The following FRMD4A variants were observed in gnomAD, a reference collection of about 807,000 sequenced individuals.
FRMD4A encodes FERM domain-containing protein 4A.
Under a neutral mutation model 129.1 loss-of-function variants are expected in FRMD4A, and 29 were observed. The observed-to-expected ratio is 0.22, with a 90% CI of 0.17 to 0.31. The LOEUF (loss-of-function observed/expected upper bound fraction) is 0.31, where lower values mean the gene tolerates loss of function less well. FRMD4A is among the 10% of genes least tolerant of loss of function. The pLI, the probability that FRMD4A is intolerant of heterozygous loss-of-function variation, is 1.00. For missense variants in FRMD4A, 1,272 were observed against 1,375.8 expected, an observed-to-expected ratio of 0.92 and a Z score of 1.19; for synonymous variants, 634 against 571.6, an observed-to-expected ratio of 1.11 and a Z score of -1.56.
chr10:14,239,706 A>C (rs1843971701), intron 2 of FRMD4A, among the ~76,000 whole-genome samples: 1 of 152,238 alleles, frequency 6.6e-6, no homozygotes, highest in Non-Finnish European at 1.5e-5. Context: ...CTGATCTAAA[A>C]TGTAACTACT....
At chr10:14,118,683 C>G (rs913974412) in intron 2 of FRMD4A, among the ~76,000 whole-genome samples, 2 of 152,150 alleles carry the variant, frequency 1.3e-5, no homozygotes, top group Non-Finnish European at 2.9e-5. Flanking sequence ...CAGTGGCCGG[C>G]AAGAGAGCTT....
intron 2 of FRMD4A, among the ~76,000 whole-genome samples, chr10:14,268,574 T>A (rs757499238): frequency 1.2e-4 from 18 of 152,248 alleles, no homozygotes; most frequent in Non-Finnish European, 1.5e-5. Context: ...GTTCTTCACA[T>A]GCTACCTACC....
At chr10:14,052,053 G>C (rs1452140085) in intron 2 of FRMD4A, among the ~76,000 whole-genome samples, 2 of 152,208 alleles carry the variant, frequency 1.3e-5, no homozygotes, top group African/African-American at 4.8e-5. Flanking sequence ...CTCAGAGACA[G>C]ACACAGAGAG....
chr10:13,959,142 C>T lies in FRMD4A; in HGVS notation c.46-100230G>A, dbSNP rs1042044456. On this transcript the variant is annotated intron_variant, in intron 2 of 24. Transcript: ENST00000357447. ...TCTCAGTAAAAGTCCCCTCTCCCTG[C>T]AACAATGATCATCAGAGAATGTCTA... Among the ~76,000 whole-genome samples, 32 of 152,116 alleles carry T rather than the reference C, an allele frequency of 2.1e-4. 1 individual carries two copies. The highest frequency in any genetic ancestry group is 1.8e-3 in the Admixed American group (28 of 15,272).
chr10:13,994,979 G>A (rs72776605), intron 2 of FRMD4A, among the ~76,000 whole-genome samples: 43,400 of 151,996 alleles, frequency 0.29, 7,336 homozygotes, highest in East Asian at 0.73. Context: ...GAACAGGAGC[G>A]CAGCCACAGG....
intron 2 of FRMD4A, among the ~76,000 whole-genome samples, chr10:14,219,937 A>G (rs1646940697): frequency 6.6e-6 from 1 of 152,186 alleles, no homozygotes; most frequent in African/African-American, 2.4e-5. Context: ...CTAATTCAAG[A>G]TAAGAGAGAA....
chr10:14,213,549 C>G (rs767901181), intron 2 of FRMD4A, among the ~76,000 whole-genome samples: 1 of 152,178 alleles, frequency 6.6e-6, no homozygotes, highest in Non-Finnish European at 1.5e-5. Flanking sequence ...CCTGATGGGA[C>G]TAGATCATCC....
chr10:14,264,312 C>T (rs1266540793), intron 2 of FRMD4A, among the ~76,000 whole-genome samples: 1 of 152,184 alleles, frequency 6.6e-6, no homozygotes, highest in Non-Finnish European at 1.5e-5. Context: ...CCCATTGATA[C>T]AAGCAGCCCA....
intron 2 of FRMD4A, among the ~76,000 whole-genome samples, chr10:14,128,954 G>T (rs1839079880): frequency 6.6e-6 from 1 of 152,098 alleles, no homozygotes; most frequent in South Asian, 2.1e-4. Flanking sequence ...AGGCACGCTG[G>T]TCCTGGAGAC....
chr10:14,136,645 C>T (rs1196474533), intron 2 of FRMD4A, among the ~76,000 whole-genome samples: 1 of 152,140 alleles, frequency 6.6e-6, no homozygotes, highest in Non-Finnish European at 1.5e-5. Context: ...CTACCTATGA[C>T]CTGGAACCTA....
chr10:13,991,764 C>T (rs79469912), intron 2 of FRMD4A: 1 of 152,656 alleles, frequency 6.6e-6, no homozygotes, highest in Non-Finnish European at 1.5e-5. Context: ...CAGAAAGTAA[C>T]ACACACAGAA....
chr10:13,855,789 A>G (rs2094204029), intron 3 of FRMD4A, among the ~76,000 whole-genome samples: 1 of 152,210 alleles, frequency 6.6e-6, no homozygotes, highest in African/African-American at 2.4e-5. Flanking sequence ...GAGCTAGAGA[A>G]TCCAGATTCC....
At chr10:14,140,849 A>C (rs1336302554) in intron 2 of FRMD4A, among the ~76,000 whole-genome samples, 1 of 152,158 alleles carries the variant, frequency 6.6e-6, no homozygotes, top group East Asian at 1.9e-4. Flanking sequence ...ACTTTTCAGG[A>C]AACTAGGGAG....
intron 2 of FRMD4A, among the ~76,000 whole-genome samples, chr10:14,119,477 T>G (rs1838380685): frequency 6.6e-6 from 1 of 152,206 alleles, no homozygotes; most frequent in Admixed American, 6.5e-5. Flanking sequence ...GAATGAAGCC[T>G]GGGCTGCTGA....
At chr10:13,912,038 T>A (rs535159064) in intron 2 of FRMD4A, among the ~76,000 whole-genome samples, 1 of 152,220 alleles carries the variant, frequency 6.6e-6, no homozygotes, top group South Asian at 2.1e-4. Flanking sequence ...TCCCTTTTCT[T>A]TAATGCAACC....
chr10:13,969,940 C>T (rs2095507742), intron 2 of FRMD4A, among the ~76,000 whole-genome samples: 1 of 152,210 alleles, frequency 6.6e-6, no homozygotes, highest in Admixed American at 6.5e-5. Context: ...ACTGGAAAGA[C>T]AGAATCATCT....
chr10:14,259,211 CAA>C (rs1844717950), intron 2 of FRMD4A, among the ~76,000 whole-genome samples: 1 of 151,924 alleles, frequency 6.6e-6, no homozygotes, highest in Non-Finnish European at 1.5e-5. Flanking sequence ...AAATGGCAAA[CAA>C]TAAGAAGTAC....
chr10:13,862,707 C>A (rs1014878824), intron 2 of FRMD4A, among the ~76,000 whole-genome samples: 2 of 152,184 alleles, frequency 1.3e-5, no homozygotes, highest in African/African-American at 2.4e-5. Context: ...CTTTTGACAG[C>A]ACTGCTGTGG....
intron 3 of FRMD4A, among the ~76,000 whole-genome samples, chr10:13,819,011 C>T (rs186872232): frequency 6.6e-6 from 1 of 152,048 alleles, no homozygotes; most frequent in East Asian, 1.9e-4. Flanking sequence ...GCCTGTAATC[C>T]CAGCTACTCG....
Sources: gnomAD v4.1 joint callset for allele counts (sites outside exome capture counted in the v4.1 genomes callset) on GRCh38, gnomAD v4.1.1 for gene constraint, MANE v1.5 for transcripts, NCBI Gene and HGNC (gene_info 2026-07-23, HGNC 2026-07-21) for gene names.